The following UBE2E1 variants were observed in gnomAD, a reference collection of about 807,000 sequenced individuals.
UBE2E1 encodes the protein ubiquitin conjugating enzyme E2 E1.
In UBE2E1, 6 loss-of-function variants were observed where a neutral mutation model predicts 21.4. The ratio of observed to expected loss-of-function variants is 0.28; its 90% CI spans 0.15 to 0.55. The LOEUF (loss-of-function observed/expected upper bound fraction) is 0.55, where lower values mean the gene tolerates loss of function less well. Ranked by LOEUF, UBE2E1 falls within the 20% of genes least tolerant of loss-of-function variation. UBE2E1 has a pLI of 0.93. For synonymous variants in UBE2E1, 87 were observed against 82.7 expected, an observed-to-expected ratio of 1.05 and a Z score of -0.28; for missense variants, 142 against 236.5, an observed-to-expected ratio of 0.60 and a Z score of 2.62.
intron 3 of UBE2E1, among the ~76,000 whole-genome samples, chr3:23,832,044 T>C (rs1699878849): frequency 6.6e-6 from 1 of 152,224 alleles, no homozygotes; most frequent in Non-Finnish European, 1.5e-5. Context: ...TAGTCATTTA[T>C]TTAGCTTTAA....
chr3:23,868,975 T>G (rs1246321762), intron 3 of UBE2E1, among the ~76,000 whole-genome samples: 1 of 152,216 alleles, frequency 6.6e-6, no homozygotes, highest in African/African-American at 2.4e-5. Flanking sequence ...ACCTATCTCC[T>G]GTCAGTAAGT....
intron 3 of UBE2E1, among the ~76,000 whole-genome samples, chr3:23,875,000 A>T (rs969809062): frequency 1.3e-5 from 2 of 151,860 alleles, no homozygotes; most frequent in African/African-American, 4.8e-5. Flanking sequence ...GTTAAGAGTG[A>T]CCCCCTAATG....
Position 23,863,271 on chromosome 3 carries a change from T to C in UBE2E1, c.204-24296T>C, listed in dbSNP as rs28405582. 0.043 allele frequency among the ~76,000 whole-genome samples: 6,608 copies of C among 152,238 alleles called. 497 individuals are homozygous for C. The highest frequency in any genetic ancestry group is 0.15 in the African/African-American group (6,202 of 41,500). On this transcript the variant is annotated intron_variant, in intron 3 of 5. Transcript: ENST00000306627. This position sits in a 1 kb window ranked among gnomAD's most constrained non-coding sequence, Gnocchi z 4.3. ...GTCACACTCTTCCTTTATCCTGTTT[T>C]GCTTAGATCAATGTTGATAAAATAT...
chr3:23,866,246 T>C (rs1700654489), intron 3 of UBE2E1: 1 of 152,488 alleles, frequency 6.6e-6, no homozygotes, highest in South Asian at 2.1e-4. Context: ...TAGTTCTGAG[T>C]TGTGGATCCT....
chr3:23,860,627 A>G (rs1025091537), intron 3 of UBE2E1, among the ~76,000 whole-genome samples: 2 of 152,210 alleles, frequency 1.3e-5, no homozygotes, highest in African/African-American at 4.8e-5. Context: ...AACCCAACCA[A>G]CGTATCAAGT....
intron 3 of UBE2E1, among the ~76,000 whole-genome samples, chr3:23,865,390 C>G (rs1291415746): frequency 6.6e-6 from 1 of 152,234 alleles, no homozygotes; most frequent in African/African-American, 2.4e-5. Context: ...CACTCTGTCA[C>G]TCACCTAGGC....
In UBE2E1 at chr3:23,872,342, C is replaced by T. The variant is rs559208094; in HGVS notation, c.204-15225C>T. ...GCAGCAGTACAGTCCAGCTTCGGCT[C>T]GGCATCAGAGGGAGACCGTGGAAAG... On this transcript the variant is annotated intron_variant, in intron 3 of 5. Transcript: ENST00000306627. Among the ~76,000 whole-genome samples the T allele has an allele frequency of 1.8e-3, 233 of 131,678 alleles. No homozygotes were observed. In the Middle Eastern group the frequency reaches 0.023, roughly 13 times the overall value. 86.4% of individuals were successfully genotyped at this position (131,678 alleles called of 152,430 possible).
rs1699271465 is a variant in UBE2E1 at position 23,806,474 on chromosome 3, A to G, written c.-34+386A>G. Among the ~76,000 whole-genome samples the G allele has an allele frequency of 1.3e-5, 2 of 151,678 alleles. No homozygotes were observed. Among genetic ancestry groups the G allele is most frequent in the South Asian group, 4.1e-4 (2 of 4,822 alleles). ...CGGGGATTAACCCCTCCGGGGCGGA[A>G]GGGCTCATTGTTATGTCTTCGCTGC... is the stretch of plus-strand genomic sequence containing the variant. On this transcript the variant is annotated intron_variant, in intron 1 of 5. Coordinates refer to ENST00000306627, the MANE Select transcript of UBE2E1 (RefSeq NM_003341.5). The surrounding 1 kb of genome is among the most constrained non-coding windows in gnomAD (Gnocchi z 6.5).
chr3:23,812,641 A>G (rs1163657629), intron 3 of UBE2E1, among the ~76,000 whole-genome samples: 1 of 152,214 alleles, frequency 6.6e-6, no homozygotes, highest in Non-Finnish European at 1.5e-5. Flanking sequence ...ATGCTCTTAA[A>G]CTATAGTTTA....
In UBE2E1 at chr3:23,891,481, G is replaced by GTATCC. The variant is rs1701462164; in HGVS notation, c.*878_*882dup. Among the ~76,000 whole-genome samples the GTATCC allele has an allele frequency of 6.6e-6, 1 of 152,150 alleles. No individual in the cohort carries two copies. Among genetic ancestry groups the GTATCC allele is most frequent in the African/African-American group, 2.4e-5 (1 of 41,424 alleles). ...TGTACTTTACACAGCTGTAGATGAG[G>GTATCC]TATCCTAGAAAAGGTTAAATAATCT... On this transcript the variant is annotated 3_prime_UTR_variant, in exon 6 of 6. Coordinates refer to ENST00000306627, the MANE Select transcript of UBE2E1 (RefSeq NM_003341.5).
At chr3:23,859,042 AT>A (rs1414892478) in intron 3 of UBE2E1, among the ~76,000 whole-genome samples, 1 of 152,142 alleles carries the variant, frequency 6.6e-6, no homozygotes, top group Non-Finnish European at 1.5e-5. Flanking sequence ...ATTATTTACC[AT>A]TTTTGTGTAT....
At chr3:23,866,728 C>T (rs1559489574) in intron 3 of UBE2E1, among the ~76,000 whole-genome samples, 1 of 152,102 alleles carries the variant, frequency 6.6e-6, no homozygotes, top group African/African-American at 2.4e-5. Flanking sequence ...TTTATTTTCA[C>T]CTAATTGATT....
At chr3:23,847,037 A>T (rs1700222406) in intron 3 of UBE2E1, among the ~76,000 whole-genome samples, 1 of 152,224 alleles carries the variant, frequency 6.6e-6, no homozygotes, top group Non-Finnish European at 1.5e-5. Context: ...AGAGGAATTC[A>T]TTGTACAAAA....
At chr3:23,835,146 T>C (rs1287068674) in intron 3 of UBE2E1, among the ~76,000 whole-genome samples, 2 of 152,212 alleles carry the variant, frequency 1.3e-5, no homozygotes, top group Non-Finnish European at 2.9e-5. Context: ...TTCTCAACCT[T>C]GGCTGCTATC....
intron 3 of UBE2E1, among the ~76,000 whole-genome samples, chr3:23,826,948 A>G (rs967310531): frequency 6.6e-6 from 1 of 152,204 alleles, no homozygotes; most frequent in Non-Finnish European, 1.5e-5. Context: ...TTTGGGTTGC[A>G]CTGATAAGAA....
rs1453900972 is a variant in UBE2E1, at chr3:23,891,150, G to A, written c.*544G>A. On this transcript the variant is annotated 3_prime_UTR_variant, in exon 6 of 6. Transcript: ENST00000306627. ...TGCCAATCTACTTTGTTTAAAAAAG[G>A]TCTGAATCAGGACTTGTGAAAACCT... 1 of 152,548 alleles carries A rather than the reference G, an allele frequency of 6.6e-6. No individual in the cohort carries two copies. The highest frequency in any genetic ancestry group is 1.9e-4 in the East Asian group (1 of 5,190). The allele number at this position is 152,548 out of a possible 1,614,324, so 9.4% of individuals were successfully genotyped here.
chr3:23,851,339 C>G lies in UBE2E1; in HGVS notation c.204-36228C>G, dbSNP rs115187500. On this transcript the variant is annotated intron_variant, in intron 3 of 5. Coordinates refer to ENST00000306627, the MANE Select transcript of UBE2E1 (RefSeq NM_003341.5). ...AATTGAGAAGGAAGTCCTCTAGCTTCGTTCTTTTTAAAGATTGTTTGGCTA... is the reference window on the plus strand; with the variant it reads ...AATTGAGAAGGAAGTCCTCTAGCTTGGTTCTTTTTAAAGATTGTTTGGCTA... Among the ~76,000 whole-genome samples, 406 of 152,246 alleles carry G rather than the reference C, an allele frequency of 2.7e-3. 4 individuals are homozygous for G. The highest frequency in any genetic ancestry group is 9.0e-3 in the African/African-American group (373 of 41,528).
intron 3 of UBE2E1, among the ~76,000 whole-genome samples, chr3:23,849,038 GT>G (rs1700267953): frequency 6.6e-6 from 1 of 152,152 alleles, no homozygotes; most frequent in African/African-American, 2.4e-5. Context: ...ACATTTGGTT[GT>G]TTCCACCTTC....
chr3:23,865,734 T>C (rs1700642274), intron 3 of UBE2E1, among the ~76,000 whole-genome samples: 1 of 152,208 alleles, frequency 6.6e-6, no homozygotes, highest in South Asian at 2.1e-4. Context: ...GTTTGAATCA[T>C]TTTAGAAACC....
Sources: gnomAD v4.1 joint callset for allele counts (sites outside exome capture counted in the v4.1 genomes callset) on GRCh38, gnomAD v4.1.1 for gene constraint, Gnocchi (gnomAD v3.1) non-coding constraint, MANE v1.5 for transcripts, NCBI Gene and HGNC (gene_info 2026-07-23, HGNC 2026-07-21) for gene names.